Variants in ATP2B4 observed in about 807,000 individuals in gnomAD.
The protein encoded by ATP2B4 is plasma membrane calcium-transporting ATPase 4.
A neutral mutation model predicts 110.3 loss-of-function variants in ATP2B4; 39 were observed. That is an observed-to-expected ratio of 0.35 (90% CI 0.27 to 0.46). The LOEUF is 0.46. Among genes scored for constraint, ATP2B4 ranks in the 20% least tolerant of loss-of-function variants. The pLI, the probability that ATP2B4 is intolerant of heterozygous loss-of-function variation, is 1.00. For synonymous variants in ATP2B4, 538 were observed against 571.7 expected, an observed-to-expected ratio of 0.94 and a Z score of 0.84; for missense variants, 1,135 against 1,530.9, an observed-to-expected ratio of 0.74 and a Z score of 4.32.
chr1:203,662,021 TG>T, intron 1 of ATP2B4, among the ~76,000 whole-genome samples: 1 of 152,136 alleles, frequency 6.6e-6, no homozygotes, highest in East Asian at 1.9e-4. Context: ...ACATAAAATT[TG>T]CCATCTTCAC....
intron 1 of ATP2B4, among the ~76,000 whole-genome samples, chr1:203,628,407 C>T (rs1238934039): frequency 2.0e-5 from 3 of 152,158 alleles, no homozygotes; most frequent in Non-Finnish European, 1.5e-5. Flanking sequence ...GAGGCACGTC[C>T]CTCCTGGGCA....
In ATP2B4 at chr1:203,693,652, T is replaced by C. The variant is rs140222266; in HGVS notation, c.194-4505T>C. Among the ~76,000 whole-genome samples the C allele has an allele frequency of 7.7e-3, 1,175 of 152,316 alleles. 11 individuals carry two copies. The highest frequency in any genetic ancestry group is 0.012 in the Non-Finnish European group (831 of 68,030). ...TAGGTTTGGACTCTGATGAACCTGATGGCGATGTTACCATCCCTGAGGCCA... is the reference window on the plus strand; with the variant it reads ...TAGGTTTGGACTCTGATGAACCTGACGGCGATGTTACCATCCCTGAGGCCA... On this transcript the variant is annotated intron_variant, in intron 2 of 20. Transcript: ENST00000357681.
At chr1:203,678,731 G>A (rs1664907267) in intron 1 of ATP2B4, among the ~76,000 whole-genome samples, 1 of 152,130 alleles carries the variant, frequency 6.6e-6, no homozygotes, top group Admixed American at 6.6e-5. Flanking sequence ...GGGCCTCTTA[G>A]AAGCTTGCCA....
At chr1:203,699,161 T>A (rs1005507277) in intron 3 of ATP2B4, among the ~76,000 whole-genome samples, 2 of 152,188 alleles carry the variant, frequency 1.3e-5, no homozygotes, top group African/African-American at 4.8e-5. Context: ...TGGGAAACAG[T>A]AGTGAAAGCC....
At chr1:203,674,974 G>A (rs939840157) in intron 1 of ATP2B4, among the ~76,000 whole-genome samples, 1 of 152,164 alleles carries the variant, frequency 6.6e-6, no homozygotes, top group Non-Finnish European at 1.5e-5. Flanking sequence ...CTCCCAAAGT[G>A]CTGGGATTAC....
At chr1:203,738,243 C>T (rs1418666221) in intron 20 of ATP2B4, among the ~76,000 whole-genome samples, 4 of 152,014 alleles carry the variant, frequency 2.6e-5, no homozygotes, top group Admixed American at 6.6e-5. Context: ...TTTACCTTTC[C>T]CCTGGCCCCT....
chr1:203,633,590 C>A (rs1290889381), intron 1 of ATP2B4, among the ~76,000 whole-genome samples: 1 of 152,054 alleles, frequency 6.6e-6, no homozygotes, highest in African/African-American at 2.4e-5. Flanking sequence ...ATGGTGAAAC[C>A]CTGTCTCTAC....
In ATP2B4 at chr1:203,726,503, G is replaced by C. The variant is rs987942530; in HGVS notation, c.3133-892G>C. On this transcript the variant is annotated intron_variant, in intron 19 of 20. Coordinates refer to ENST00000357681, the MANE Select transcript of ATP2B4 (RefSeq NM_001684.5). ...AGCTTGGTTGTTAAACCTGTTGTTT[G>C]AAACTCTGTTCTGGCTCTTGCCTCA... 2.0e-5 allele frequency among the ~76,000 whole-genome samples: 3 copies of C among 151,014 alleles called. No individual in the cohort carries two copies. The East Asian group carries it at 5.9e-4, about 29-fold the overall frequency.
At chr1:203,701,326 C>T (rs983254669) in intron 6 of ATP2B4, among the ~76,000 whole-genome samples, 2 of 152,050 alleles carry the variant, frequency 1.3e-5, no homozygotes, top group African/African-American at 4.8e-5. Context: ...GAAAATTGGC[C>T]AGAAGAGTAA....
At chr1:203,730,139 C>CT (rs1286021350) in intron 20 of ATP2B4, among the ~76,000 whole-genome samples, 2 of 150,574 alleles carry the variant, frequency 1.3e-5, no homozygotes, top group African/African-American at 2.4e-5. Context: ...CTTTCCTTTC[C>CT]TTTTTTTAAA....
chr1:203,696,241 A>C (rs560452605), intron 2 of ATP2B4, among the ~76,000 whole-genome samples: 1 of 152,258 alleles, frequency 6.6e-6, no homozygotes, highest in Admixed American at 6.5e-5. Flanking sequence ...CTTGGGTTCT[A>C]TTCAGTGAAG....
chr1:203,699,800 TTGC>T, intron 4 of ATP2B4, 83 bp downstream of exon 4: 3 of 1,558,136 alleles, frequency 1.9e-6, no homozygotes, highest in Admixed American at 3.8e-5. Context: ...GGGCTGGGAA[TTGC>T]TGAAAACCCA....
Position 203,660,967 on chromosome 1 carries a change from G to A in ATP2B4, c.-464-21775G>A, listed in dbSNP as rs891135597. Among the ~76,000 whole-genome samples, 15 of 151,240 alleles carry A rather than the reference G, an allele frequency of 9.9e-5. No homozygotes were observed. The South Asian group carries it at 1.0e-3, about 11-fold the overall frequency. ...TCTACTAAAAATACAAAAATTAGCC[G>A]GGCATGGTGGGGTGGCCCTCTAGTT... On this transcript the variant is annotated intron_variant, in intron 1 of 20. Transcript: ENST00000357681.
chr1:203,686,556 G>C (rs992272109), intron 2 of ATP2B4, among the ~76,000 whole-genome samples: 1 of 152,002 alleles, frequency 6.6e-6, no homozygotes, highest in African/African-American at 2.4e-5. Context: ...AATGGCAAGT[G>C]CTTCCCTCGT....
intron 10 of ATP2B4, 108 bp downstream of exon 10, chr1:203,708,212 A>G: frequency 2.0e-6 from 3 of 1,469,944 alleles, no homozygotes; most frequent in Non-Finnish European, 2.8e-6. Context: ...TTGCCATCCC[A>G]CATCCCATTT....
In ATP2B4 at chr1:203,711,941, C is replaced by T. The variant is rs781050807; in HGVS notation, c.2032-19C>T. The T allele has an allele frequency of 1.7e-5, 28 of 1,612,030 alleles. No homozygotes were observed. The South Asian group carries it at 2.2e-4, about 13-fold the overall frequency. ...CATCACCCTCATCTGCGCCTTTCCC[C>T]TTTCTTCACTCTCCATAGGTGCCAG... On this transcript the variant is annotated intron_variant, in intron 12 of 20. Transcript: ENST00000357681.
intron 4 of ATP2B4, 35 bp from the exon 5 acceptor site, chr1:203,700,171 T>G (rs367730333): frequency 1.9e-6 from 3 of 1,599,582 alleles, no homozygotes; most frequent in Non-Finnish European, 2.6e-6. Context: ...TCTTACTATC[T>G]CCTTCACTGT....
At chr1:203,730,452 C>A (rs1666671250) in intron 20 of ATP2B4, among the ~76,000 whole-genome samples, 1 of 152,166 alleles carries the variant, frequency 6.6e-6, no homozygotes, top group Non-Finnish European at 1.5e-5. Flanking sequence ...GAACCTGGCG[C>A]CTTTGGCTCC....
chr1:203,731,327 A>G (rs558721960), intron 20 of ATP2B4, among the ~76,000 whole-genome samples: 12 of 152,254 alleles, frequency 7.9e-5, no homozygotes, highest in Admixed American at 1.3e-4. Context: ...CATTCTGCCT[A>G]CTTTCCCATC....
Sources: allele counts gnomAD v4.1 joint callset (sites outside exome capture counted in the v4.1 genomes callset), GRCh38; gene constraint gnomAD v4.1.1; transcripts MANE v1.5; gene names NCBI Gene and HGNC (gene_info 2026-07-23, HGNC 2026-07-21).